The following TLN2 variants were observed in gnomAD, a reference collection of about 807,000 sequenced individuals.
TLN2 encodes the protein talin 2.
TLN2 carries 118 observed loss-of-function variants against 294.7 expected under a neutral mutation model. The ratio of observed to expected loss-of-function variants is 0.40; its 90% CI spans 0.34 to 0.47. The LOEUF (loss-of-function observed/expected upper bound fraction) is 0.47, where lower values mean the gene tolerates loss of function less well. Ranked by LOEUF, TLN2 falls within the 20% of genes least tolerant of loss-of-function variation. TLN2 has a pLI of 0.84. For missense variants in TLN2, 3,083 were observed against 3,282.2 expected (o/e 0.94, Z 1.48); for synonymous variants, 1,431 against 1,304.5 (o/e 1.10, Z -2.09).
intron 1 of TLN2, among the ~76,000 whole-genome samples, chr15:62,485,781 C>T (rs983162452): frequency 6.6e-6 from 1 of 152,136 alleles, no homozygotes; most frequent in African/African-American, 2.4e-5. Context: ...GTCTGTAATG[C>T]CTAGGAGCTG....
chr15:62,681,405 C>G (rs1034051456), intron 11 of TLN2, among the ~76,000 whole-genome samples: 1 of 152,186 alleles, frequency 6.6e-6, no homozygotes, highest in Non-Finnish European at 1.5e-5. Flanking sequence ...CACACCTACT[C>G]AAACCCCACA....
At chr15:62,639,947 T>G (rs1472329514) in intron 3 of TLN2, among the ~76,000 whole-genome samples, 2 of 152,220 alleles carry the variant, frequency 1.3e-5, no homozygotes, top group South Asian at 4.1e-4. Flanking sequence ...TGGCTCCCAG[T>G]GAAGGCATGA....
chr15:62,742,074 T>TGTGTGTGTGTGTGA (rs2061371122), intron 32 of TLN2, among the ~76,000 whole-genome samples: 1 of 147,418 alleles, frequency 6.8e-6, no homozygotes, highest in Non-Finnish European at 1.5e-5. Flanking sequence ...TGTGTGTGTG[T>TGTGTGTGTGTGTGA]GAAGGGTTAG....
At chr15:62,631,727 G>A (rs568361987) in intron 3 of TLN2, among the ~76,000 whole-genome samples, 6 of 105,750 alleles carry the variant, frequency 5.7e-5, no homozygotes, top group Admixed American at 1.2e-4. Context: ...CCCTCCTCCC[G>A]CTTTTTCTTC....
intron 1 of TLN2, among the ~76,000 whole-genome samples, chr15:62,463,304 A>G (rs562977903): frequency 1.3e-5 from 2 of 152,280 alleles, no homozygotes; most frequent in African/African-American, 2.4e-5. Flanking sequence ...TCAAAAGTCA[A>G]ACTGCAGTTC....
intron 3 of TLN2, among the ~76,000 whole-genome samples, chr15:62,627,460 T>G (rs1333739086): frequency 6.6e-6 from 1 of 152,224 alleles, no homozygotes; most frequent in African/African-American, 2.4e-5. Context: ...TTTTTTACCT[T>G]ATATTCAGAA....
intron 2 of TLN2, among the ~76,000 whole-genome samples, chr15:62,608,465 C>T (rs1480459683): frequency 3.3e-5 from 5 of 152,080 alleles, no homozygotes; most frequent in Non-Finnish European, 7.4e-5. Context: ...AGCTGGGAAG[C>T]TGTTGCAGGA....
chr15:62,489,354 A>G (rs919917328), intron 1 of TLN2, among the ~76,000 whole-genome samples: 3 of 152,198 alleles, frequency 2.0e-5, no homozygotes, highest in Non-Finnish European at 2.9e-5. Context: ...CAAACAGCCT[A>G]AGCACATGTG....
chr15:62,495,469 G>C (rs2038967622), intron 1 of TLN2, among the ~76,000 whole-genome samples: 1 of 152,298 alleles, frequency 6.6e-6, no homozygotes, highest in Non-Finnish European at 1.5e-5. Flanking sequence ...CCAAGATTAG[G>C]GGTAAAGTGG....
At chr15:62,819,783 C>G (rs997416208) in intron 53 of TLN2, among the ~76,000 whole-genome samples, 162 bp downstream of exon 53, 3 of 152,204 alleles carry the variant, frequency 2.0e-5, no homozygotes, top group African/African-American at 7.2e-5. Context: ...TTAGAGTTAA[C>G]TTGAAAAAGA....
rs141634531 is a variant in TLN2, at chr15:62,673,181, C to T, written c.789-646C>T. On this transcript the variant is annotated intron_variant, in intron 9 of 58. Coordinates refer to ENST00000636159, the MANE Select transcript of TLN2 (RefSeq NM_015059.3). ...AACAAGTCTACTATGGCTTATTTTG[C>T]CCATAATATCTTACAAGGGATACAC... Among the ~76,000 whole-genome samples, 106 of 151,496 alleles carry T rather than the reference C, an allele frequency of 7.0e-4. 1 individual carries two copies. Among genetic ancestry groups the T allele is most frequent in the East Asian group, 6.8e-3 (35 of 5,148 alleles).
chr15:62,820,528 A>G lies in TLN2; in HGVS notation c.6920A>G (p.Glu2307Gly). 6.2e-7 allele frequency: 1 copy of G among 1,614,052 alleles called. No individual in the cohort carries two copies. Among genetic ancestry groups the G allele is most frequent in the Non-Finnish European group, 8.5e-7 (1 of 1,179,962 alleles). ...VDPEDPTVIA[E>G]TELLGAAASI... Reference sequence around the variant, plus strand: ...CCAGAAGACCCAACTGTCATTGCAGAAACAGAGTTACTGGGGGCTGCAGCA... The same window carrying G: ...CCAGAAGACCCAACTGTCATTGCAGGAACAGAGTTACTGGGGGCTGCAGCA... Residue 2307 changes from glutamate (E) to glycine (G), a missense_variant, in exon 54 of 59, where the codon GAA becomes GGA. By Grantham distance (98) the Glu-to-Gly change is moderately conservative. Coordinates refer to ENST00000636159, the MANE Select transcript of TLN2 (RefSeq NM_015059.3).
rs145573014 is a variant in TLN2, at chr15:62,799,305, A to G, written c.6235-1063A>G. On this transcript the variant is annotated intron_variant, in intron 48 of 58. Coordinates refer to ENST00000636159, the MANE Select transcript of TLN2 (RefSeq NM_015059.3). ...ATGTGTGTAGAGTGCTTGGCTCAGCACCTGAACACTGCCCTCAGTAAAGGG... is the reference window on the plus strand; with the variant it reads ...ATGTGTGTAGAGTGCTTGGCTCAGCGCCTGAACACTGCCCTCAGTAAAGGG... 6.2e-3 allele frequency among the ~76,000 whole-genome samples: 942 copies of G among 152,286 alleles called. 12 individuals are homozygous for G. Among genetic ancestry groups the G allele is most frequent in the African/African-American group, 0.021 (859 of 41,548 alleles).
At chr15:62,649,945 G>A in intron 4 of TLN2, 139 bp from the exon 5 acceptor site, 1 of 778,278 alleles carries the variant, frequency 1.3e-6, no homozygotes, top group Non-Finnish European at 2.1e-6. Context: ...ATGGCTGCTT[G>A]TGTTGTCAAA....
At chr15:62,693,976 T>C (rs1272520117) in intron 13 of TLN2, among the ~76,000 whole-genome samples, 1 of 36,790 alleles carries the variant, frequency 2.7e-5, no homozygotes, top group East Asian at 9.1e-4. Context: ...TTTTTTTTTT[T>C]TTTTTTTTTT....
chr15:62,530,662 T>C (rs1376160299), intron 1 of TLN2, among the ~76,000 whole-genome samples: 1 of 152,208 alleles, frequency 6.6e-6, no homozygotes, highest in African/African-American at 2.4e-5. Flanking sequence ...GCCCTAGAAA[T>C]ACAAATTTAA....
At chr15:62,626,524 T>C (rs990515595) in intron 3 of TLN2, among the ~76,000 whole-genome samples, 1 of 152,246 alleles carries the variant, frequency 6.6e-6, no homozygotes, top group Non-Finnish European at 1.5e-5. Context: ...ATTGTAATTA[T>C]ATCCTCAATC....
rs149120261 is a variant in TLN2 at position 62,465,510 on chromosome 15, C to T, written c.-238+74825C>T. On this transcript the variant is annotated intron_variant, in intron 1 of 58. Coordinates refer to ENST00000636159, the MANE Select transcript of TLN2 (RefSeq NM_015059.3). ...ATGTAAAACAGTCCCTGTGTTCTGT[C>T]GTTCTCGAAACTATCGGGTTATGTG... 3.9e-5 allele frequency among the ~76,000 whole-genome samples: 6 copies of T among 152,272 alleles called. No individual in the cohort carries two copies. The East Asian group carries it at 9.7e-4, about 25-fold the overall frequency.
chr15:62,429,476 T>A (rs12592476), intron 1 of TLN2, among the ~76,000 whole-genome samples: 1 of 151,992 alleles, frequency 6.6e-6, no homozygotes, highest in African/African-American at 2.4e-5. Flanking sequence ...TTGAGACCTG[T>A]CTTGGCCAGG....
Sources: gnomAD v4.1 joint callset for allele counts (sites outside exome capture counted in the v4.1 genomes callset) on GRCh38, gnomAD v4.1.1 for gene constraint, MANE v1.5 for transcripts, NCBI Gene and HGNC (gene_info 2026-07-23, HGNC 2026-07-21) for gene names.